LRRC7: variants seen among roughly 807,000 people sequenced by gnomAD.
The protein encoded by LRRC7 is leucine rich repeat containing 7.
Under a neutral mutation model 175.7 loss-of-function variants are expected in LRRC7, and 23 were observed. The observed-to-expected ratio is 0.13, with a 90% CI of 0.09 to 0.19. The LOEUF (loss-of-function observed/expected upper bound fraction) is 0.19, where lower values mean the gene tolerates loss of function less well. Among genes scored for constraint, LRRC7 ranks in the 10% least tolerant of loss-of-function variants. The probability of loss-of-function intolerance (pLI) is 1.00; values close to 1 mark genes in which losing one functional copy is unlikely to be tolerated. For missense variants in LRRC7, 1,354 were observed against 1,904.7 expected (o/e 0.71, Z 5.38); for synonymous variants, 685 against 680.9 (o/e 1.01, Z -0.09).
At chr1:69,617,044 G>A (rs1451088759) in intron 1 of LRRC7, among the ~76,000 whole-genome samples, 1 of 152,008 alleles carries the variant, frequency 6.6e-6, no homozygotes, top group African/African-American at 2.4e-5. Flanking sequence ...TAACGTATTT[G>A]CATTTGTAAT....
intron 7 of LRRC7, among the ~76,000 whole-genome samples, chr1:69,916,741 T>C (rs1326544078): frequency 6.6e-6 from 1 of 152,078 alleles, no homozygotes; most frequent in Admixed American, 6.6e-5. Context: ...CCGTCACTGG[T>C]TGAGAAGCTA....
intron 4 of LRRC7, among the ~76,000 whole-genome samples, chr1:69,818,274 G>A (rs1472243599): frequency 6.6e-6 from 1 of 152,012 alleles, no homozygotes; most frequent in Admixed American, 6.6e-5. Flanking sequence ...TTATTGTGTT[G>A]AAGTACATTT....
At chr1:70,085,054 G>A (rs764573333) in intron 24 of LRRC7, among the ~76,000 whole-genome samples, 14 of 151,970 alleles carry the variant, frequency 9.2e-5, no homozygotes, top group Non-Finnish European at 1.8e-4. Context: ...ACCCTAATCA[G>A]ATATATTATT....
In LRRC7 at chr1:69,904,048, G is replaced by A. The variant is rs114528916; in HGVS notation, c.648-27459G>A. Among the ~76,000 whole-genome samples the A allele has an allele frequency of 8.2e-3, 1,253 of 152,288 alleles. 20 individuals carry two copies. The highest frequency in any genetic ancestry group is 0.028 in the African/African-American group (1,184 of 41,552). The stretch of plus-strand genomic sequence containing the variant: ...ACCAAAAAAAGTCCAGGACTAGATA[G>A]ATTCACAGCCAAATTCTACCAGAGG... On this transcript the variant is annotated intron_variant, in intron 7 of 26. Transcript: ENST00000651989.
chr1:70,133,620 G>A lies in LRRC7; in HGVS notation c.*11733G>A, dbSNP rs1321060411. On this transcript the variant is annotated 3_prime_UTR_variant, in exon 27 of 27. Coordinates refer to ENST00000651989, the MANE Select transcript of LRRC7 (RefSeq NM_001370785.2). The stretch of plus-strand genomic sequence containing the variant: ...TACACAATTTAAGAAAAAAACAAGA[G>A]CTTTGAGCTTATTTTAGGCAGTTTA... 2.0e-5 allele frequency among the ~76,000 whole-genome samples: 3 copies of A among 152,062 alleles called. No individual in the cohort carries two copies. Among genetic ancestry groups the A allele is most frequent in the African/African-American group, 7.3e-5 (3 of 41,376 alleles).
rs958838746 is a variant in LRRC7 at position 69,586,119 on chromosome 1, A to G, written c.2+17478A>G. On this transcript the variant is annotated intron_variant, in intron 1 of 26. Transcript: ENST00000651989. ...GCCAGCTTTACTACCTCCAGATGTT[A>G]GAGGATAAGTCAAAATACTGAAATA... is the stretch of plus-strand genomic sequence containing the variant. Among the ~76,000 whole-genome samples, 16 of 152,234 alleles carry G rather than the reference A, an allele frequency of 1.1e-4. 1 individual carries two copies.
chr1:69,620,618 A>G (rs1002750993), intron 1 of LRRC7, among the ~76,000 whole-genome samples: 9 of 152,216 alleles, frequency 5.9e-5, no homozygotes, highest in Admixed American at 1.3e-4. Context: ...AGAGAAGAAT[A>G]CTAGTGAGCA....
At chr1:69,794,300 G>A (rs1298549590) in intron 4 of LRRC7, among the ~76,000 whole-genome samples, 1 of 151,936 alleles carries the variant, frequency 6.6e-6, no homozygotes, top group Non-Finnish European at 1.5e-5. Context: ...AATAAAGAGA[G>A]TATTTCATCT....
chr1:69,812,382 G>C (rs1040153700), intron 4 of LRRC7, among the ~76,000 whole-genome samples: 1 of 151,970 alleles, frequency 6.6e-6, no homozygotes, highest in Non-Finnish European at 1.5e-5. Flanking sequence ...TTAGTTAAAT[G>C]GGAATAATGA....
At chr1:69,604,752 G>A (rs1434442644) in intron 1 of LRRC7, among the ~76,000 whole-genome samples, 1 of 151,964 alleles carries the variant, frequency 6.6e-6, no homozygotes, top group East Asian at 1.9e-4. Context: ...CTGGTAGCAT[G>A]TATTAGGGTG....
chr1:70,132,152 C>T lies in LRRC7; in HGVS notation c.*10265C>T, dbSNP rs568416291. ...CTTCGTTCTGGTGACCATGCCCCTTCTTCAGACAGCCCTGAATTCCCTTCC... is the reference window on the plus strand; with the variant it reads ...CTTCGTTCTGGTGACCATGCCCCTTTTTCAGACAGCCCTGAATTCCCTTCC... On this transcript the variant is annotated 3_prime_UTR_variant, in exon 27 of 27. Coordinates refer to ENST00000651989, the MANE Select transcript of LRRC7 (RefSeq NM_001370785.2). The T allele has an allele frequency of 6.6e-6, 1 of 152,408 alleles. No individual in the cohort carries two copies. The highest frequency in any genetic ancestry group is 1.9e-4 in the East Asian group (1 of 5,174). The allele number at this position is 152,408 out of a possible 1,614,324, so 9.4% of individuals were successfully genotyped here.
intron 1 of LRRC7, among the ~76,000 whole-genome samples, chr1:69,605,257 A>G (rs1647342322): frequency 6.6e-6 from 1 of 152,162 alleles, no homozygotes; most frequent in Non-Finnish European, 1.5e-5. Context: ...CTGCTATGTA[A>G]GACGTGCCTT....
chr1:69,994,621 A>G lies in LRRC7; in HGVS notation c.992A>G (p.Asn331Ser), dbSNP rs72676879. The G allele has an allele frequency of 5.7e-3, 9,099 of 1,609,838 alleles. 97 individuals are homozygous for G. In the Middle Eastern group the frequency reaches 0.081, roughly 14 times the overall value. Residue 331 changes from asparagine (N) to serine (S), a missense_variant, in exon 11 of 27, where the codon AAT becomes AGT. By Grantham distance (46) the Asn-to-Ser change is conservative (BLOSUM62 1). Transcript: ENST00000651989. ...VDDNQLTMLP[N>S]TIGNLSLLEE... The stretch of plus-strand genomic sequence containing the variant: ...GACAATCAACTTACAATGCTACCCA[A>G]TACAATTGGAAAGTAAGTGCCAACT...
intron 25 of LRRC7, among the ~76,000 whole-genome samples, chr1:70,100,315 G>A (rs1664721582): frequency 6.6e-6 from 1 of 151,998 alleles, no homozygotes. Context: ...CTTATTTTTG[G>A]TTGCTTTTAA....
intron 20 of LRRC7, 95 bp downstream of exon 20, chr1:70,036,719 A>C: frequency 7.5e-7 from 1 of 1,331,738 alleles, no homozygotes; most frequent in Non-Finnish European, 1.0e-6. Context: ...TGTATTCGGC[A>C]CACAAGTGGC....
chr1:70,103,004 A>C (rs1664902110), intron 25 of LRRC7, among the ~76,000 whole-genome samples: 1 of 152,072 alleles, frequency 6.6e-6, no homozygotes, highest in African/African-American at 2.4e-5. Context: ...CGAGGTGGGC[A>C]AATCACTTGA....
At chr1:69,568,770 C>T (rs773423034) in intron 1 of LRRC7, 129 bp downstream of exon 1, 194 of 574,596 alleles carry the variant, frequency 3.4e-4, no homozygotes, top group Middle Eastern at 7.4e-4. Flanking sequence ...GAGGCTTCGG[C>T]GCTCGCGGGG....
At chr1:69,656,033 T>C (rs1182452746) in intron 1 of LRRC7, among the ~76,000 whole-genome samples, 1 of 152,070 alleles carries the variant, frequency 6.6e-6, no homozygotes, top group Non-Finnish European at 1.5e-5. Flanking sequence ...CTTAGAGTTA[T>C]GGCTGTTTCA....
chr1:69,769,413 T>C (rs1671975233), intron 3 of LRRC7, among the ~76,000 whole-genome samples: 2 of 149,378 alleles, frequency 1.3e-5, no homozygotes, highest in Non-Finnish European at 3.0e-5. Flanking sequence ...TCTGAAACTT[T>C]TTGAGCACAG....
Sources: allele counts gnomAD v4.1 joint callset (sites outside exome capture counted in the v4.1 genomes callset), GRCh38; gene constraint gnomAD v4.1.1; transcripts MANE v1.5; gene names NCBI Gene and HGNC (gene_info 2026-07-23, HGNC 2026-07-21).